NPAS3: variants seen among roughly 807,000 people sequenced by gnomAD.
NPAS3 encodes the protein neuronal PAS domain-containing protein 3.
NPAS3 carries 14 observed loss-of-function variants against 73.1 expected under a neutral mutation model. The ratio of observed to expected loss-of-function variants is 0.19; its 90% CI spans 0.13 to 0.30. The LOEUF (loss-of-function observed/expected upper bound fraction) is 0.30. NPAS3 is among the 10% of genes least tolerant of loss of function. The pLI, the probability that NPAS3 is intolerant of heterozygous loss-of-function variation, is 1.00. For synonymous variants in NPAS3, 620 were observed against 541.5 expected, an observed-to-expected ratio of 1.14 and a Z score of -2.01; for missense variants, 1,096 against 1,250.0, an observed-to-expected ratio of 0.88 and a Z score of 1.86.
intron 5 of NPAS3, among the ~76,000 whole-genome samples, chr14:33,618,164 C>A (rs1462958166): frequency 2.0e-5 from 3 of 152,128 alleles, no homozygotes; most frequent in Non-Finnish European, 4.4e-5. Flanking sequence ...ACCTTTTTGG[C>A]ACCAGGAACC....
intron 3 of NPAS3, among the ~76,000 whole-genome samples, chr14:33,283,644 AC>A (rs1352334936): frequency 6.6e-6 from 1 of 152,312 alleles, no homozygotes; most frequent in African/African-American, 2.4e-5. Context: ...AAAGCCTCAT[AC>A]TAGACTGTAT....
chr14:33,790,632 C>CT (rs1302677987), intron 9 of NPAS3, among the ~76,000 whole-genome samples: 1 of 151,624 alleles, frequency 6.6e-6, no homozygotes, highest in Non-Finnish European at 1.5e-5. Flanking sequence ...AAAGGTATTT[C>CT]TTTTTCATTT....
intron 4 of NPAS3, among the ~76,000 whole-genome samples, chr14:33,538,260 C>G (rs1185981321): frequency 6.6e-6 from 1 of 152,196 alleles, no homozygotes; most frequent in Non-Finnish European, 1.5e-5. Context: ...CCAATGGTTA[C>G]TGGCCACTCC....
chr14:33,279,339 T>C (rs1051588414), intron 3 of NPAS3, among the ~76,000 whole-genome samples: 4 of 152,168 alleles, frequency 2.6e-5, no homozygotes, highest in African/African-American at 7.2e-5. Flanking sequence ...ACAATGCTAA[T>C]CATTTTGAAC....
chr14:33,461,471 T>C (rs1165179694), intron 4 of NPAS3, among the ~76,000 whole-genome samples: 1 of 152,220 alleles, frequency 6.6e-6, no homozygotes, highest in East Asian at 1.9e-4. Flanking sequence ...AACACCTAGA[T>C]AGACAGTATG....
chr14:33,487,378 A>G (rs1447665147), intron 4 of NPAS3, among the ~76,000 whole-genome samples: 1 of 152,206 alleles, frequency 6.6e-6, no homozygotes, highest in Non-Finnish European at 1.5e-5. Flanking sequence ...ACTCGCCCAT[A>G]TATCACATAA....
intron 7 of NPAS3, among the ~76,000 whole-genome samples, chr14:33,757,094 G>A (rs529972918): frequency 4.7e-4 from 72 of 152,326 alleles, no homozygotes; most frequent in African/African-American, 1.6e-3. Context: ...GCTGGACAAA[G>A]CATCTGGAGT....
chr14:33,143,030 G>GGGA (rs1189272364), intron 2 of NPAS3, among the ~76,000 whole-genome samples: 1 of 152,264 alleles, frequency 6.6e-6, no homozygotes, highest in African/African-American at 2.4e-5. Flanking sequence ...ACTTGAACCC[G>GGGA]GGAGGAGGAG....
intron 2 of NPAS3, among the ~76,000 whole-genome samples, chr14:33,093,994 G>A (rs2042319226): frequency 6.6e-6 from 1 of 152,042 alleles, no homozygotes; most frequent in African/African-American, 2.4e-5. Flanking sequence ...GGGAGGGATA[G>A]CATTAGGAGA....
At chr14:33,358,184 A>G (rs561339137) in intron 3 of NPAS3, among the ~76,000 whole-genome samples, 56 of 152,324 alleles carry the variant, frequency 3.7e-4, no homozygotes, top group African/African-American at 1.3e-3. Context: ...GTGCCAAGCC[A>G]GATGCTGCGA....
At chr14:33,784,428 AC>A (rs1377765238) in intron 9 of NPAS3, among the ~76,000 whole-genome samples, 2 of 152,178 alleles carry the variant, frequency 1.3e-5, no homozygotes, top group African/African-American at 4.8e-5. Context: ...AAACACAGAA[AC>A]CCCAGAGGTG....
intron 4 of NPAS3, among the ~76,000 whole-genome samples, chr14:33,424,743 G>T (rs377141741): frequency 9.9e-5 from 15 of 151,682 alleles, no homozygotes; most frequent in African/African-American, 3.6e-4. Flanking sequence ...AGAAGGGGGT[G>T]GGAATAGTGA....
At chr14:33,529,634 T>C (rs1316338521) in intron 4 of NPAS3, among the ~76,000 whole-genome samples, 1 of 151,886 alleles carries the variant, frequency 6.6e-6, no homozygotes, top group African/African-American at 2.4e-5. Context: ...TTCTTTTATG[T>C]ATGTATGTAT....
intron 8 of NPAS3, among the ~76,000 whole-genome samples, chr14:33,776,521 TAAAAAAAAAAAAAAAAAAAAAA>T (rs552348267): frequency 2.7e-3 from 87 of 32,060 alleles, no homozygotes; most frequent in South Asian, 0.024. Context: ...TTCTTCCTCT[TAAAAAAAAAAAAAAAAAAAAAA>T]AAAAAAAAAA....
chr14:33,260,380 C>G (rs1406430253), intron 3 of NPAS3, among the ~76,000 whole-genome samples: 2 of 151,634 alleles, frequency 1.3e-5, no homozygotes, highest in African/African-American at 4.8e-5. Context: ...GGCCACAGTT[C>G]ACTTTCGCTC....
At chr14:33,147,459 C>T (rs2044273363) in intron 2 of NPAS3, among the ~76,000 whole-genome samples, 1 of 151,746 alleles carries the variant, frequency 6.6e-6, no homozygotes, top group Non-Finnish European at 1.5e-5. Flanking sequence ...TAGTAAACCA[C>T]AAATAGCCAA....
rs191393641 is a variant in NPAS3 at position 33,434,411 on chromosome 14, C to T, written c.468+67143C>T. ...GCATGGTGGTGCACACCTGTAGGTC[C>T]AGCTGCTTGGGAGGCTGAGGTGGGA... On this transcript the variant is annotated intron_variant, in intron 4 of 11. Transcript: ENST00000356141. Among the ~76,000 whole-genome samples the T allele has an allele frequency of 4.0e-5, 6 of 151,790 alleles. No individual in the cohort carries two copies. The East Asian group carries it at 1.2e-3, about 30-fold the overall frequency.
intron 3 of NPAS3, among the ~76,000 whole-genome samples, chr14:33,218,627 T>A (rs1215633002): frequency 1.3e-5 from 2 of 152,214 alleles, no homozygotes; most frequent in Non-Finnish European, 2.9e-5. Flanking sequence ...CTCCAAGCAA[T>A]CTCTTGAATA....
rs970995949 is a variant in NPAS3, at chr14:33,599,145, C to T, written c.558+38935C>T. Among the ~76,000 whole-genome samples, 6 of 152,246 alleles carry T rather than the reference C, an allele frequency of 3.9e-5. No individual in the cohort carries two copies. In the East Asian group the frequency reaches 1.2e-3, roughly 29 times the overall value. On this transcript the variant is annotated intron_variant, in intron 5 of 11. Transcript: ENST00000356141. ...GGCACATTTCCATATTTTTGCATGT[C>T]CGTGTATCTGTCTGTTATGTTTATG...
Sources: gnomAD v4.1 joint callset for allele counts (sites outside exome capture counted in the v4.1 genomes callset) on GRCh38, gnomAD v4.1.1 for gene constraint, MANE v1.5 for transcripts, NCBI Gene and HGNC (gene_info 2026-07-23, HGNC 2026-07-21) for gene names.